Variants in PTPRA observed in about 807,000 individuals in gnomAD.
The protein encoded by PTPRA is protein tyrosine phosphatase receptor type A.
Under a neutral mutation model 104.8 loss-of-function variants are expected in PTPRA, and 25 were observed. That is an observed-to-expected ratio of 0.24 (90% CI 0.17 to 0.33). The LOEUF (loss-of-function observed/expected upper bound fraction) is 0.33, where lower values mean the gene tolerates loss of function less well. Among genes scored for constraint, PTPRA ranks in the 10% least tolerant of loss-of-function variants. The pLI is 1.00. For synonymous variants in PTPRA, 323 were observed against 368.9 expected, an observed-to-expected ratio of 0.88 and a Z score of 1.43; for missense variants, 765 against 1,015.3, an observed-to-expected ratio of 0.75 and a Z score of 3.35.
intron 20 of PTPRA, among the ~76,000 whole-genome samples, chr20:3,032,649 C>G (rs2065547126): frequency 6.6e-6 from 1 of 151,736 alleles, no homozygotes; most frequent in South Asian, 2.1e-4. Flanking sequence ...GCCTGTGATC[C>G]CAGCTACTCG....
chr20:2,918,856 T>C (rs147778385), intron 1 of PTPRA, among the ~76,000 whole-genome samples: 100 of 152,308 alleles, frequency 6.6e-4, no homozygotes, highest in African/African-American at 2.2e-3. Flanking sequence ...AGTCTTGCCA[T>C]GTACCAGTTG....
intron 1 of PTPRA, among the ~76,000 whole-genome samples, chr20:2,904,972 C>G (rs973771136): frequency 9.9e-5 from 15 of 152,142 alleles, no homozygotes; most frequent in African/African-American, 3.6e-4. Context: ...CTCCAGGCCA[C>G]AGACCATCCT....
At chr20:3,025,567 A>C (rs927421317) in intron 17 of PTPRA, among the ~76,000 whole-genome samples, 1 of 151,694 alleles carries the variant, frequency 6.6e-6, no homozygotes, top group East Asian at 2.0e-4. Flanking sequence ...TTTCTTTGGG[A>C]TCCTGTCAAG....
intron 9 of PTPRA, among the ~76,000 whole-genome samples, chr20:2,994,047 C>T (rs548474397): frequency 2.4e-4 from 37 of 152,348 alleles, no homozygotes; most frequent in South Asian, 1.7e-3. Context: ...TCCGTTCTAA[C>T]TAGCATATCT....
At chr20:2,877,372 G>A (rs2089787881) in intron 1 of PTPRA, among the ~76,000 whole-genome samples, 1 of 152,124 alleles carries the variant, frequency 6.6e-6, no homozygotes, top group Non-Finnish European at 1.5e-5. Context: ...CGATTCTCCT[G>A]CCTCAGCCTC....
chr20:2,941,137 TCTC>T (rs2060903363), intron 2 of PTPRA, among the ~76,000 whole-genome samples: 1 of 152,094 alleles, frequency 6.6e-6, no homozygotes, highest in South Asian at 2.1e-4. Flanking sequence ...TTCAAGCAGT[TCTC>T]CTGCCTCGGC....
rs1384517223 is a variant in PTPRA, at chr20:3,024,650, G to A, written c.1614+29G>A. The A allele has an allele frequency of 1.9e-6, 3 of 1,611,100 alleles. No individual in the cohort carries two copies. The Admixed American group carries it at 5.0e-5, about 27-fold the overall frequency. Reference sequence around the variant, plus strand: ...AGTTGGAGCTGGATAACCTCCTTCAGATTGAAGGATCCTTGTAATCTGGGG... The same window carrying A: ...AGTTGGAGCTGGATAACCTCCTTCAAATTGAAGGATCCTTGTAATCTGGGG... On this transcript the variant is annotated intron_variant, in intron 17 of 23. Coordinates refer to ENST00000399903, the MANE Select transcript of PTPRA (RefSeq NM_001385305.1).
intron 11 of PTPRA, among the ~76,000 whole-genome samples, chr20:3,014,852 C>T (rs2064356067): frequency 6.6e-6 from 1 of 152,134 alleles, no homozygotes; most frequent in Non-Finnish European, 1.5e-5. Context: ...TTTCTCTTAC[C>T]TAGAACTTCT....
At chr20:2,955,544 C>T in intron 3 of PTPRA, 1 of 835,530 alleles carries the variant, frequency 1.2e-6, no homozygotes. Context: ...TTGTTTTGGA[C>T]TTCTCTATCA....
At chr20:2,959,658 T>G (rs2061676309) in intron 3 of PTPRA, among the ~76,000 whole-genome samples, 1 of 152,120 alleles carries the variant, frequency 6.6e-6, no homozygotes, top group Admixed American at 6.5e-5. Flanking sequence ...GATCAAAAAG[T>G]ATGGAGAGTT....
intron 8 of PTPRA, 33 bp from the exon 9 acceptor site, chr20:2,988,305 T>C (rs1390198848): frequency 6.4e-7 from 1 of 1,573,382 alleles, no homozygotes; most frequent in African/African-American, 1.4e-5. Context: ...GTTCTCAGGG[T>C]ACCTGACTGA....
At chr20:2,915,526 CATG>C (rs1329435356) in intron 1 of PTPRA, among the ~76,000 whole-genome samples, 1 of 152,034 alleles carries the variant, frequency 6.6e-6, no homozygotes, top group African/African-American at 2.4e-5. Flanking sequence ...TTATCAGATA[CATG>C]ATATCTGATT....
chr20:2,920,844 T>A (rs1020814378), intron 1 of PTPRA, among the ~76,000 whole-genome samples: 4 of 151,876 alleles, frequency 2.6e-5, no homozygotes, highest in African/African-American at 9.7e-5. Context: ...GAGGTTTTTT[T>A]AAGATGTTAA....
At chr20:2,983,734 G>A (rs2062787122) in intron 6 of PTPRA, among the ~76,000 whole-genome samples, 1 of 152,140 alleles carries the variant, frequency 6.6e-6, no homozygotes, top group Non-Finnish European at 1.5e-5. Context: ...ACTAGCTACT[G>A]AATGGTGAGG....
intron 20 of PTPRA, among the ~76,000 whole-genome samples, chr20:3,031,539 A>G (rs2065454638): frequency 6.6e-6 from 1 of 151,876 alleles, no homozygotes; most frequent in South Asian, 2.1e-4. Context: ...CAATCTTTCT[A>G]TTCCTCAGCT....
chr20:3,026,949 T>A (rs906171878), intron 18 of PTPRA, among the ~76,000 whole-genome samples, 169 bp downstream of exon 18: 2 of 152,198 alleles, frequency 1.3e-5, no homozygotes, highest in Non-Finnish European at 2.9e-5. Flanking sequence ...TGCACCTTAG[T>A]GGCTTCTGGA....
At chr20:2,892,414 G>C (rs1422405711) in intron 1 of PTPRA, among the ~76,000 whole-genome samples, 1 of 152,052 alleles carries the variant, frequency 6.6e-6, no homozygotes, top group Non-Finnish European at 1.5e-5. Flanking sequence ...CTATGATGGT[G>C]GGAAAGCTGG....
intron 1 of PTPRA, among the ~76,000 whole-genome samples, chr20:2,877,345 T>G (rs2089785763): frequency 1.3e-5 from 2 of 152,186 alleles, no homozygotes; most frequent in Admixed American, 1.3e-4. Flanking sequence ...ACGCAACTTT[T>G]GCCTCCTGGG....
the PTPRA span, among the ~76,000 whole-genome samples, chr20:2,867,962 G>T: frequency 1.3e-5 from 2 of 152,250 alleles, no homozygotes; most frequent in African/African-American, 4.8e-5. Context: ...AATTTGGACA[G>T]GTTGTAACAG....
Sources: gnomAD v4.1 joint callset for allele counts (sites outside exome capture counted in the v4.1 genomes callset) on GRCh38, gnomAD v4.1.1 for gene constraint, MANE v1.5 for transcripts, NCBI Gene and HGNC (gene_info 2026-07-23, HGNC 2026-07-21) for gene names.